Variants in TNFSF13B observed in about 807,000 individuals in gnomAD.
TNFSF13B encodes TNF superfamily member 13b, also known as tumor necrosis factor ligand superfamily member 13B.
In TNFSF13B, 8 loss-of-function variants were observed where a neutral mutation model predicts 29.1. That is an observed-to-expected ratio of 0.27 (90% CI 0.16 to 0.50). The LOEUF (loss-of-function observed/expected upper bound fraction) is 0.50, where lower values mean the gene tolerates loss of function less well. Among genes scored for constraint, TNFSF13B ranks in the 20% least tolerant of loss-of-function variants. The pLI is 0.98. For missense variants in TNFSF13B, 248 were observed against 334.9 expected (o/e 0.74, Z 2.03); for synonymous variants, 125 against 130.8 (o/e 0.96, Z 0.30).
rs116537709 is a variant in TNFSF13B, at chr13:108,283,573, T to A, written c.425-3230T>A. 8.3e-3 allele frequency among the ~76,000 whole-genome samples: 1,262 copies of A among 152,332 alleles called. 13 individuals are homozygous for A. The highest frequency in any genetic ancestry group is 0.029 in the African/African-American group (1,203 of 41,576). ...CTAAAAAGGAGACATATTCATGGTG[T>A]CAAGTCATTACTTATTAGGTAAACT... On this transcript the variant is annotated intron_variant, in intron 2 of 5. Coordinates refer to ENST00000375887, the MANE Select transcript of TNFSF13B (RefSeq NM_006573.5).
At chr13:108,274,442 T>C (rs377349328) in intron 2 of TNFSF13B, among the ~76,000 whole-genome samples, 15 of 151,920 alleles carry the variant, frequency 9.9e-5, no homozygotes, top group African/African-American at 2.9e-4. Context: ...TAGGACATAG[T>C]ATACACACTC....
chr13:108,286,124 T>C (rs1881121327), intron 2 of TNFSF13B, among the ~76,000 whole-genome samples: 1 of 152,208 alleles, frequency 6.6e-6, no homozygotes, highest in Non-Finnish European at 1.5e-5. Context: ...CTTTCTCTCT[T>C]TGGTCCAATA....
In TNFSF13B at chr13:108,286,864, T is replaced by A; in HGVS notation, c.481+5T>A. On this transcript the variant is annotated splice_donor_5th_base_variant and intron_variant, in intron 3 of 5. Transcript: ENST00000375887. ...AAACACCAACTATACAAAAAGGTAA[T>A]AAAATATAGCAAAGACTTGGAACCA... 6.4e-7 allele frequency: 1 copy of A among 1,554,682 alleles called. No homozygotes were observed. The highest frequency in any genetic ancestry group is 2.4e-5 in the East Asian group (1 of 42,528).
At position 108,295,957 on chromosome 13, in the gene TNFSF13B, A is replaced by G. The variant is rs1236258750; in HGVS notation, c.482-7296A>G. Among the ~76,000 whole-genome samples, 2 of 146,476 alleles carry G rather than the reference A, an allele frequency of 1.4e-5. 1 individual carries two copies. The highest frequency in any genetic ancestry group is 3.0e-5 in the Non-Finnish European group (2 of 65,794). On this transcript the variant is annotated intron_variant, in intron 3 of 5. Transcript: ENST00000375887. ...GATGAAAAACATATCTTTTTAAAATACAAGATATTTGTGGAATTCAAATAT... is the reference window on the plus strand; with the variant it reads ...GATGAAAAACATATCTTTTTAAAATGCAAGATATTTGTGGAATTCAAATAT...
At chr13:108,302,845 C>T in intron 3 of TNFSF13B, 1 of 987,134 alleles carries the variant, frequency 1.0e-6, no homozygotes, top group Non-Finnish European at 1.2e-6. Flanking sequence ...TTTTGCCAAA[C>T]TCTTCAGATA....
chr13:108,297,433 T>A (rs767498803), intron 3 of TNFSF13B, among the ~76,000 whole-genome samples: 7 of 145,710 alleles, frequency 4.8e-5, no homozygotes, highest in Non-Finnish European at 1.1e-4. Context: ...ATCTTTTGTG[T>A]TTACCCTTCT....
intron 2 of TNFSF13B, among the ~76,000 whole-genome samples, chr13:108,277,317 A>T (rs1880789263): frequency 6.6e-6 from 1 of 152,238 alleles, no homozygotes; most frequent in Non-Finnish European, 1.5e-5. Flanking sequence ...AAAATAGACA[A>T]GTTATTTACA....
rs1804214745 is a variant in TNFSF13B at position 108,306,940 on chromosome 13, C to T, written c.*2C>T. ...TTTGGTGCATTGAAACTGCTGTGAC[C>T]TACTTACACCATGTCTGTAGCTATT... On this transcript the variant is annotated 3_prime_UTR_variant, in exon 6 of 6. Coordinates refer to ENST00000375887, the MANE Select transcript of TNFSF13B (RefSeq NM_006573.5). The T allele has an allele frequency of 6.5e-7, 1 of 1,534,114 alleles. No homozygotes were observed.
intron 5 of TNFSF13B, among the ~76,000 whole-genome samples, chr13:108,304,839 G>C (rs1010054115): frequency 5.9e-5 from 9 of 152,182 alleles, no homozygotes; most frequent in Non-Finnish European, 1.0e-4. Flanking sequence ...TTGGTGGGGA[G>C]ATGAGGAAGT....
intron 2 of TNFSF13B, among the ~76,000 whole-genome samples, chr13:108,277,287 G>A (rs1880788221): frequency 6.6e-6 from 1 of 152,276 alleles, no homozygotes; most frequent in South Asian, 2.1e-4. Flanking sequence ...CCAAATTGAT[G>A]CAAAATTTAA....
At chr13:108,281,552 T>G (rs1237054585) in intron 2 of TNFSF13B, among the ~76,000 whole-genome samples, 1 of 152,196 alleles carries the variant, frequency 6.6e-6, no homozygotes, top group African/African-American at 2.4e-5. Flanking sequence ...CTGAGACCTT[T>G]GCTGCCACCC....
intron 3 of TNFSF13B, among the ~76,000 whole-genome samples, chr13:108,291,021 T>C (rs964886242): frequency 6.6e-6 from 1 of 151,960 alleles, no homozygotes; most frequent in African/African-American, 2.4e-5. Flanking sequence ...TTGAAGACAT[T>C]AACTTTAACT....
chr13:108,299,486 T>C (rs1478263806), intron 3 of TNFSF13B, among the ~76,000 whole-genome samples: 1 of 150,706 alleles, frequency 6.6e-6, no homozygotes, highest in African/African-American at 2.4e-5. Context: ...CCAAAATACT[T>C]TTTTTTTTGT....
intron 3 of TNFSF13B, 115 bp from the exon 4 acceptor site, chr13:108,303,138 T>TTTC: frequency 2.0e-6 from 1 of 503,486 alleles, no homozygotes; most frequent in Non-Finnish European, 3.2e-6. Flanking sequence ...TCTTTCTTTC[T>TTTC]TTTTTTTTTA....
At chr13:108,270,289 C>G in intron 1 of TNFSF13B, 51 bp from the exon 2 acceptor site, 1 of 1,613,332 alleles carries the variant, frequency 6.2e-7, no homozygotes, top group East Asian at 2.2e-5. Flanking sequence ...ACTGCTGCCT[C>G]TCCCTCGCCT....
Position 108,284,303 on chromosome 13 carries a change from T to G in TNFSF13B, c.425-2500T>G, listed in dbSNP as rs931366207. 3.9e-5 allele frequency among the ~76,000 whole-genome samples: 6 copies of G among 152,196 alleles called. No homozygotes were observed. In the East Asian group the frequency reaches 1.2e-3, roughly 29 times the overall value. Reference sequence around the variant, plus strand: ...GAGATCGCGCCACTGCACTCCAGCCTGGGCGACAGAGCGAGACTCCGTCTC... The same window carrying G: ...GAGATCGCGCCACTGCACTCCAGCCGGGGCGACAGAGCGAGACTCCGTCTC... On this transcript the variant is annotated intron_variant, in intron 2 of 5. Transcript: ENST00000375887.
At chr13:108,303,137 C>CTT in intron 3 of TNFSF13B, 116 bp from the exon 4 acceptor site, 17 of 616,782 alleles carry the variant, frequency 2.8e-5, no homozygotes, top group South Asian at 1.1e-4. Context: ...TTCTTTCTTT[C>CTT]TTTTTTTTTT....
intron 2 of TNFSF13B, among the ~76,000 whole-genome samples, chr13:108,286,105 T>C (rs1881120802): frequency 6.6e-6 from 1 of 152,214 alleles, no homozygotes; most frequent in African/African-American, 2.4e-5. Flanking sequence ...TAAAAGATGT[T>C]CTATCTCTCT....
chr13:108,284,197 C>T (rs943615079), intron 2 of TNFSF13B, among the ~76,000 whole-genome samples: 12 of 152,116 alleles, frequency 7.9e-5, no homozygotes, highest in Non-Finnish European at 1.2e-4. Context: ...GGCATGGTGG[C>T]GGGCACCTGT....
Sources: allele counts gnomAD v4.1 joint callset (sites outside exome capture counted in the v4.1 genomes callset), GRCh38; gene constraint gnomAD v4.1.1; transcripts MANE v1.5; gene names NCBI Gene and HGNC (gene_info 2026-07-23, HGNC 2026-07-21).